PARP1: variants seen among roughly 807,000 people sequenced by gnomAD.
PARP1 encodes poly [ADP-ribose] polymerase 1.
A neutral mutation model predicts 118.7 loss-of-function variants in PARP1; 44 were observed. That is an observed-to-expected ratio of 0.37 (90% CI 0.29 to 0.48). PARP1 has a LOEUF of 0.48. Ranked by LOEUF, PARP1 falls within the 20% of genes least tolerant of loss-of-function variation. The pLI is 0.99. For missense variants in PARP1, 1,100 were observed against 1,272.4 expected (o/e 0.86, Z 2.06); for synonymous variants, 492 against 483.2 (o/e 1.02, Z -0.24).
At chr1:226,388,147 A>ACTGAT (rs1226082562) in intron 5 of PARP1, among the ~76,000 whole-genome samples, 6 of 152,236 alleles carry the variant, frequency 3.9e-5, no homozygotes, top group Admixed American at 2.0e-4. Flanking sequence ...GTCAAGGACC[A>ACTGAT]CTGATTTAAT....
In PARP1 at chr1:226,390,561, G is replaced by C. The variant is rs765911548; in HGVS notation, c.466C>G (p.Arg156Gly). ...PEKPQLGMID[R>G]WYHPGCFVKN... ...ACAAAGCAGCCTGGATGGTACCAGCGGTCAATCATGCCTAGCTGTGGCTTC... is the reference window on the plus strand; with the variant it reads ...ACAAAGCAGCCTGGATGGTACCAGCCGTCAATCATGCCTAGCTGTGGCTTC... The change falls in exon 4 of 23, where the codon CGC becomes GGC. Residue 156 changes from arginine to glycine, a missense_variant. Physicochemically the swap from Arg to Gly is moderately radical, Grantham distance 125 (BLOSUM62 -2). Transcript: ENST00000366794. 7 of 1,614,178 alleles carry C rather than the reference G, an allele frequency of 4.3e-6. No individual in the cohort carries two copies. The highest frequency in any genetic ancestry group is 5.9e-6 in the Non-Finnish European group (7 of 1,180,030).
chr1:226,393,497 A>G (rs1008364345), intron 2 of PARP1, among the ~76,000 whole-genome samples: 1 of 152,238 alleles, frequency 6.6e-6, no homozygotes, highest in East Asian at 1.9e-4. Context: ...ATGGATAAAC[A>G]AATGGATATA....
chr1:226,364,228 G>T (rs1576389918), intron 19 of PARP1, 158 bp from the exon 20 acceptor site: 1 of 711,762 alleles, frequency 1.4e-6, no homozygotes, highest in African/African-American at 1.7e-5. Context: ...CAAAGTTTTA[G>T]CTCACAAGCC....
intron 5 of PARP1, among the ~76,000 whole-genome samples, chr1:226,386,938 T>C (rs1237132437): frequency 6.6e-6 from 1 of 152,228 alleles, no homozygotes; most frequent in African/African-American, 2.4e-5. Context: ...GAAGTTTTAA[T>C]CTTTATTAAG....
intron 1 of PARP1, among the ~76,000 whole-genome samples, chr1:226,403,168 G>A (rs1168153912): frequency 2.0e-5 from 3 of 152,214 alleles, no homozygotes; most frequent in Non-Finnish European, 4.4e-5. Flanking sequence ...GACAGGGTCA[G>A]GTTCTGCTCC....
intron 20 of PARP1, among the ~76,000 whole-genome samples, chr1:226,363,617 A>G (rs371774000): frequency 1.6e-4 from 24 of 152,328 alleles, no homozygotes; most frequent in African/African-American, 4.8e-4. Flanking sequence ...AAGAAAACTG[A>G]AACACTGGTG....
At chr1:226,380,879 T>A (rs1363114092) in intron 9 of PARP1, among the ~76,000 whole-genome samples, 189 bp downstream of exon 9, 1 of 152,188 alleles carries the variant, frequency 6.6e-6, no homozygotes, top group East Asian at 1.9e-4. Flanking sequence ...ACGCAATGCA[T>A]GTGAATCTAC....
chr1:226,399,130 G>A (rs1476295055), intron 2 of PARP1, among the ~76,000 whole-genome samples: 2 of 142,996 alleles, frequency 1.4e-5, no homozygotes, highest in South Asian at 2.2e-4. Flanking sequence ...CTGGAGTGCA[G>A]TGGCATGATC....
rs144054503 is a variant in PARP1, at chr1:226,374,615, C to A, written c.1942-261G>T. Reference sequence around the variant, plus strand: ...CTTATTCTAGTTGCCACTGCAGCGTCTGCATGGGCTGACCCACCCTGGGGT... The same window carrying A: ...CTTATTCTAGTTGCCACTGCAGCGTATGCATGGGCTGACCCACCCTGGGGT... On this transcript the variant is annotated intron_variant, in intron 13 of 22. Coordinates refer to ENST00000366794, the MANE Select transcript of PARP1 (RefSeq NM_001618.4). 2.0e-5 allele frequency among the ~76,000 whole-genome samples: 3 copies of A among 152,352 alleles called. No homozygotes were observed. In the East Asian group the frequency reaches 5.8e-4, roughly 29 times the overall value.
rs1426571960 is a variant in PARP1, at chr1:226,402,325, T to C, written c.175A>G (p.Lys59Glu). The change falls in exon 2 of 23, where the codon AAG (lysine) becomes GAG (glutamate). Residue 59 changes from lysine to glutamate, a missense_variant. Lys to Glu is a moderately conservative substitution (Grantham distance 56). Coordinates refer to ENST00000366794, the MANE Select transcript of PARP1 (RefSeq NM_001618.4). ...PHWYHFSCFW[K>E]VGHSIRHPDV... Reference sequence around the variant, plus strand: ...GGGTGCCGGATGGAGTGGCCCACCTTCCAGAAGCAGGAGAAGTGGTACCAG... The same window carrying C: ...GGGTGCCGGATGGAGTGGCCCACCTCCCAGAAGCAGGAGAAGTGGTACCAG... 1 of 1,614,004 alleles carries C rather than the reference T, an allele frequency of 6.2e-7. No individual in the cohort carries two copies. Among genetic ancestry groups the C allele is most frequent in the East Asian group, 2.2e-5 (1 of 44,888 alleles).
Position 226,364,082 on chromosome 1 carries a change from GA to G in PARP1, c.2659-13del. The G allele has an allele frequency of 6.2e-7, 1 of 1,613,668 alleles. No individual in the cohort carries two copies. Among genetic ancestry groups the G allele is most frequent in the Non-Finnish European group, 8.5e-7 (1 of 1,179,642 alleles). On this transcript the variant is annotated splice_polypyrimidine_tract_variant and intron_variant, in intron 19 of 22. Transcript: ENST00000366794. ...AACATGTAGCCTGTCTGGAAGGTCG[GA>G]AAAGGGAGAGCTGAGAATCTTCTGA...
chr1:226,380,859 A>G (rs995137075), intron 9 of PARP1, among the ~76,000 whole-genome samples: 10 of 152,216 alleles, frequency 6.6e-5, no homozygotes, highest in African/African-American at 2.2e-4. Context: ...TACCGTCTTT[A>G]GTTGAGAACA....
rs1387270818 is a variant in PARP1, at chr1:226,380,037, G to A, written c.1428C>T (p.His476=). The change falls in exon 10 of 23, where the codon CAC becomes CAT. Residue 476 remains histidine, a synonymous_variant. Transcript: ENST00000366794. The stretch of plus-strand genomic sequence containing the variant: ...CCTCTGCCCCCCAAGGGGACAAGAT[G>A]TGCGCTAAGAACAACTCCTGAAGGC... ...TKSLQELFLA[H]ILSPWGAEVK... 2.5e-6 allele frequency: 4 copies of A among 1,614,100 alleles called. No homozygotes were observed. The highest frequency in any genetic ancestry group is 3.4e-6 in the Non-Finnish European group (4 of 1,180,050).
intron 8 of PARP1, among the ~76,000 whole-genome samples, chr1:226,382,771 G>A (rs1664641733): frequency 2.6e-5 from 4 of 152,200 alleles, no homozygotes; most frequent in African/African-American, 9.7e-5. Context: ...TTTTGCCTCA[G>A]CTTCCTAAAG....
rs1182774830 is a variant in PARP1, at chr1:226,383,023, C to A, written c.1159+13G>T. ...GCAAAGCAGCTCTAAGACCGGGGTC[C>A]CAAATGCTGTACCTGCTGAAGCAGA... On this transcript the variant is annotated intron_variant, in intron 8 of 22. Coordinates refer to ENST00000366794, the MANE Select transcript of PARP1 (RefSeq NM_001618.4). 1.2e-6 allele frequency: 2 copies of A among 1,612,548 alleles called. No homozygotes were observed. Among genetic ancestry groups the A allele is most frequent in the Non-Finnish European group, 1.7e-6 (2 of 1,179,882 alleles).
chr1:226,392,110 C>A (rs991286624), intron 3 of PARP1, 89 bp downstream of exon 3: 12 of 900,210 alleles, frequency 1.3e-5, no homozygotes, highest in Non-Finnish European at 2.3e-5. Context: ...CACCCTAAAG[C>A]CCCCATTTCT....
chr1:226,375,920 T>C (rs913462208), intron 13 of PARP1, among the ~76,000 whole-genome samples: 16 of 152,230 alleles, frequency 1.1e-4, no homozygotes, highest in African/African-American at 3.9e-4. Context: ...CTGAAAAAGA[T>C]ATCTACCATT....
At chr1:226,382,920 G>T in intron 8 of PARP1, 116 bp downstream of exon 8, 1 of 1,194,748 alleles carries the variant, frequency 8.4e-7, no homozygotes, top group Non-Finnish European at 1.2e-6. Flanking sequence ...CCATGGTGGG[G>T]TCAGCAAAGA....
Position 226,390,625 on chromosome 1 carries a change from C to A in PARP1, c.403-1G>T, listed in dbSNP as rs770688934. 6.2e-7 allele frequency: 1 copy of A among 1,613,866 alleles called. No homozygotes were observed. ...TCTTCTTGGACAGGCGCACCTGGCC[C>A]TGCAGGAAAAACCATATGTGGTACC... On this transcript the variant is annotated splice_acceptor_variant, in intron 3 of 22. Transcript: ENST00000366794. LOFTEE classifies it high-confidence loss of function.
Sources: gnomAD v4.1 joint callset for allele counts (sites outside exome capture counted in the v4.1 genomes callset) on GRCh38, gnomAD v4.1.1 for gene constraint, MANE v1.5 for transcripts, NCBI Gene and HGNC (gene_info 2026-07-23, HGNC 2026-07-21) for gene names.